The following GPN1 variants were observed in gnomAD, a reference collection of about 807,000 sequenced individuals.
The protein encoded by GPN1 is ATP(GTP)-binding protein.
GPN1 carries 44 observed loss-of-function variants against 55.9 expected under a neutral mutation model. The ratio of observed to expected loss-of-function variants is 0.79; its 90% CI spans 0.62 to 1.01. The LOEUF is 1.01. Among genes scored for constraint, GPN1 ranks in the 50% least tolerant of loss-of-function variants. The pLI, the probability that GPN1 is intolerant of heterozygous loss-of-function variation, is 0.00. For synonymous variants in GPN1, 179 were observed against 162.5 expected, an observed-to-expected ratio of 1.10 and a Z score of -0.77; for missense variants, 466 against 462.8, an observed-to-expected ratio of 1.01 and a Z score of -0.06.
chr2:27,635,397 A>G (rs1187258503), intron 7 of GPN1, among the ~76,000 whole-genome samples, 163 bp downstream of exon 7: 1 of 149,530 alleles, frequency 6.7e-6, no homozygotes, highest in Non-Finnish European at 1.5e-5. Context: ...GGAAGGTCAG[A>G]GGAGAAAAGA....
At position 27,641,247 on chromosome 2, in the gene GPN1, C is replaced by T. The variant is rs1260033289; in HGVS notation, c.808C>T (p.Arg270Cys). 8.1e-6 allele frequency: 13 copies of T among 1,605,068 alleles called. No individual in the cohort carries two copies. Among genetic ancestry groups the T allele is most frequent in the African/African-American group, 2.7e-5 (2 of 74,610 alleles). Reference sequence around the variant, plus strand: ...AAGTGTTTCTCTTTACAGGGAGTATCGTCCTGAATATGAACGTCTGAAAAA... The same window carrying T: ...AAGTGTTTCTCTTTACAGGGAGTATTGTCCTGAATATGAACGTCTGAAAAA... ...SAAEEYEREY[R>C]PEYERLKKSL... Residue 270 changes from arginine (R) to cysteine (C), a missense_variant, in exon 11 of 14, where the codon CGT becomes TGT. Transcript: ENST00000610189.
rs367597395 is a variant in GPN1 at position 27,647,837 on chromosome 2, C to T, written c.933C>T (p.Asp311=). 1.1e-5 allele frequency: 17 copies of T among 1,596,994 alleles called. No individual in the cohort carries two copies. Among genetic ancestry groups the T allele is most frequent in the African/African-American group, 8.0e-5 (6 of 74,556 alleles). Residue 311 remains aspartate (D), a splice_region_variant and synonymous_variant, in exon 13 of 14, where the codon GAC becomes GAT. Coordinates refer to ENST00000610189, the MANE Select transcript of GPN1 (RefSeq NM_007266.4). ...SVALDAGTAK[D]SLSPVLHPSD... ...CACTGATAGGTGTTTTCACTGTAGA[C>T]AGCTTATCTCCTGTGCTGCACCCTT... is the stretch of plus-strand genomic sequence containing the variant.
At position 27,629,126 on chromosome 2, in the gene GPN1, T is replaced by A. The variant is rs1673424291; in HGVS notation, c.68T>A (p.Leu23Ter). The A allele has an allele frequency of 1.9e-6, 3 of 1,614,166 alleles. No individual in the cohort carries two copies. The highest frequency in any genetic ancestry group is 2.5e-6 in the Non-Finnish European group (3 of 1,180,018). ...GGTCCGCGGCACCCAGTGTGTCTGTTGGTGTTGGGAATGGCGGGATCCGGG... is the reference window on the plus strand; with the variant it reads ...GGTCCGCGGCACCCAGTGTGTCTGTAGGTGTTGGGAATGGCGGGATCCGGG... The part of the protein sequence containing the change: ...SGGPRHPVCL[L>*]VLGMAGSGKT... Residue 23 changes from leucine (L) to a stop codon, truncating the protein, a stop_gained, in exon 1 of 14, where the codon TTG becomes TAG. Coordinates refer to ENST00000610189, the MANE Select transcript of GPN1 (RefSeq NM_007266.4). LOFTEE classifies it high-confidence loss of function.
intron 3 of GPN1, 177 bp from the exon 4 acceptor site, chr2:27,631,657 G>T: frequency 1.6e-6 from 1 of 612,102 alleles, no homozygotes; most frequent in Non-Finnish European, 2.9e-6. Flanking sequence ...GAGTGAGCCA[G>T]ACCTTGATAA....
At chr2:27,642,629 T>A in intron 12 of GPN1, 110 bp downstream of exon 12, 1 of 682,142 alleles carries the variant, frequency 1.5e-6, no homozygotes, top group South Asian at 1.7e-5. Context: ...CAGGCTGGAG[T>A]CTCGGCTCAC....
At chr2:27,635,841 C>G (rs113101523) in intron 7 of GPN1, among the ~76,000 whole-genome samples, 45 of 152,270 alleles carry the variant, frequency 3.0e-4, no homozygotes, top group African/African-American at 1.0e-3. Context: ...GAATAGAGTC[C>G]TCTGGCCTAA....
chr2:27,636,575 A>G (rs1188800928), intron 7 of GPN1, among the ~76,000 whole-genome samples: 1 of 151,944 alleles, frequency 6.6e-6, no homozygotes, highest in Non-Finnish European at 1.5e-5. Flanking sequence ...CCGTACTGCA[A>G]TTTCCGCCTA....
rs1338242122 is a variant in GPN1, at chr2:27,650,139, C to A, written c.1064C>A (p.Pro355Gln). The A allele has an allele frequency of 6.2e-7, 1 of 1,605,378 alleles. No individual in the cohort carries two copies. Among genetic ancestry groups the A allele is most frequent in the Admixed American group, 1.7e-5 (1 of 59,990 alleles). The part of the protein sequence containing the change: ...HRVTEESHEE[P>Q]AFQNFMQESM... ...GTTACAGAGGAAAGCCATGAAGAGC[C>A]AGCATTCCAGAATTTTATGCAAGAA... The change falls in exon 14 of 14, where the codon CCA becomes CAA. Residue 355 changes from proline to glutamine, a missense_variant. Physicochemically the swap from Pro to Gln is moderately conservative, Grantham distance 76. Coordinates refer to ENST00000610189, the MANE Select transcript of GPN1 (RefSeq NM_007266.4).
At chr2:27,629,333 C>T (rs555796426) in intron 1 of GPN1, 164 bp downstream of exon 1, 371 of 1,512,460 alleles carry the variant, frequency 2.5e-4, no homozygotes, top group Non-Finnish European at 3.2e-4. Flanking sequence ...CCTCCTCGGG[C>T]CCTAGCCAGG....
At chr2:27,636,034 G>A (rs1254586362) in intron 7 of GPN1, among the ~76,000 whole-genome samples, 1 of 152,146 alleles carries the variant, frequency 6.6e-6, no homozygotes, top group Admixed American at 6.5e-5. Context: ...GGGCACCATG[G>A]TGAAACCCCA....
intron 12 of GPN1, 89 bp downstream of exon 12, chr2:27,642,608 C>A: frequency 1.2e-6 from 1 of 813,376 alleles, no homozygotes; most frequent in Non-Finnish European, 2.0e-6. Context: ...CGGAGTTTCA[C>A]TCTTGTTGCC....
At chr2:27,648,973 G>A (rs1457938564) in intron 13 of GPN1, among the ~76,000 whole-genome samples, 3 of 151,212 alleles carry the variant, frequency 2.0e-5, no homozygotes, top group Non-Finnish European at 3.0e-5. Flanking sequence ...GGCCGGGCAC[G>A]GTGGCTCACG....
At chr2:27,639,864 T>C (rs563736489) in intron 9 of GPN1, among the ~76,000 whole-genome samples, 179 bp from the exon 10 acceptor site, 2 of 152,328 alleles carry the variant, frequency 1.3e-5, no homozygotes, top group African/African-American at 4.8e-5. Context: ...CATGGACTTA[T>C]TTCTGTGACT....
At chr2:27,647,012 G>GT (rs1674265906) in intron 12 of GPN1, among the ~76,000 whole-genome samples, 1 of 152,232 alleles carries the variant, frequency 6.6e-6, no homozygotes, top group South Asian at 2.1e-4. Flanking sequence ...GGTTGGGAGA[G>GT]TTTAAGTAAA....
Position 27,638,540 on chromosome 2 carries a change from T to C in GPN1, c.570+285T>C, listed in dbSNP as rs536623107. On this transcript the variant is annotated intron_variant, in intron 8 of 13. Transcript: ENST00000610189. ...GTGTAATTACGAGAGGGACAACTAGTCTACTGGAAGTGGCAATTAAAAAAT... is the reference window on the plus strand; with the variant it reads ...GTGTAATTACGAGAGGGACAACTAGCCTACTGGAAGTGGCAATTAAAAAAT... Among the ~76,000 whole-genome samples the C allele has an allele frequency of 3.3e-4, 51 of 152,312 alleles. 1 individual carries two copies. Among genetic ancestry groups the C allele is most frequent in the African/African-American group, 1.2e-3 (48 of 41,564 alleles).
intron 7 of GPN1, among the ~76,000 whole-genome samples, chr2:27,636,039 A>G (rs928498725): frequency 1.3e-5 from 2 of 151,960 alleles, no homozygotes; most frequent in African/African-American, 4.8e-5. Flanking sequence ...CCATGGTGAA[A>G]CCCCATCTCT....
intron 9 of GPN1, among the ~76,000 whole-genome samples, chr2:27,639,641 T>A (rs919824624): frequency 2.0e-5 from 3 of 152,106 alleles, no homozygotes; most frequent in Non-Finnish European, 4.4e-5. Flanking sequence ...TGCCTCAGCT[T>A]ACCAAGCAGC....
upstream of GPN1, chr2:27,628,258 C>T: frequency 1.2e-6 from 1 of 864,076 alleles, no homozygotes; most frequent in Non-Finnish European, 1.7e-6. Context: ...CTGTTTGCAG[C>T]TACAAAGGGT....
Position 27,634,858 on chromosome 2 carries a change from T to C in GPN1, c.363T>C (p.Ile121=). 1 of 1,576,070 alleles carries C rather than the reference T, an allele frequency of 6.3e-7. No individual in the cohort carries two copies. The highest frequency in any genetic ancestry group is 8.7e-7 in the Non-Finnish European group (1 of 1,145,290). The change falls in exon 6 of 14, where the codon ATT becomes ATC. Residue 121 remains isoleucine, a synonymous_variant. Transcript: ENST00000610189. ...TTTCTTGACATAGATATGTGTTGAT[T>C]GACACACCTGGACAGATTGAGGTAT... The part of the protein sequence containing the change: ...KAQNMSKYVL[I]DTPGQIEVFT...
Sources: allele counts gnomAD v4.1 joint callset (sites outside exome capture counted in the v4.1 genomes callset), GRCh38; gene constraint gnomAD v4.1.1; transcripts MANE v1.5; gene names NCBI Gene and HGNC (gene_info 2026-07-23, HGNC 2026-07-21).